The following SPAG6 variants were observed in gnomAD, a reference collection of about 807,000 sequenced individuals.
SPAG6 encodes sperm-associated antigen 6.
A neutral mutation model predicts 58.5 loss-of-function variants in SPAG6; 49 were observed. The observed-to-expected ratio is 0.84, with a 90% CI of 0.67 to 1.06. SPAG6 has a LOEUF of 1.06. SPAG6 is among the 50% of genes least tolerant of loss of function. SPAG6 has a pLI of 0.00. For missense variants in SPAG6, 560 were observed against 611.3 expected (o/e 0.92, Z 0.89); for synonymous variants, 233 against 225.6 (o/e 1.03, Z -0.29).
At chr10:22,374,413 G>A (rs994050176) in intron 4 of SPAG6, among the ~76,000 whole-genome samples, 4 of 151,992 alleles carry the variant, frequency 2.6e-5, no homozygotes, top group Non-Finnish European at 5.9e-5. Flanking sequence ...CTGACACAAT[G>A]TACAATACTG....
At chr10:22,411,877 C>A (rs1445000882) in intron 10 of SPAG6, among the ~76,000 whole-genome samples, 1 of 98,736 alleles carries the variant, frequency 1.0e-5, no homozygotes, top group East Asian at 3.3e-4. Flanking sequence ...GAGACAGAGT[C>A]TTGCTCTGTC....
At chr10:22,411,452 A>G (rs1834733463) in intron 10 of SPAG6, 1 of 247,910 alleles carries the variant, frequency 4.0e-6, no homozygotes. Context: ...TAGAGTTCAA[A>G]GTAACCAGTT....
Position 22,393,859 on chromosome 10 carries a change from A to G in SPAG6, c.1197+1939A>G, listed in dbSNP as rs114186084. Among the ~76,000 whole-genome samples the G allele has an allele frequency of 7.9e-3, 1,206 of 152,306 alleles. 14 individuals are homozygous for G. Among genetic ancestry groups the G allele is most frequent in the African/African-American group, 0.027 (1,117 of 41,568 alleles). The stretch of plus-strand genomic sequence containing the variant: ...CATCTCAGTAGGGAAAAGTGTATCC[A>G]AGAGTGTCAAGAACTGTCTAATGGT... On this transcript the variant is annotated intron_variant, in intron 8 of 10. Coordinates refer to ENST00000376624, the MANE Select transcript of SPAG6 (RefSeq NM_012443.4).
intron 4 of SPAG6, among the ~76,000 whole-genome samples, chr10:22,374,924 G>T (rs1833783015): frequency 6.6e-6 from 1 of 152,216 alleles, no homozygotes; most frequent in Non-Finnish European, 1.5e-5. Context: ...ACATGCAGTA[G>T]TAAGAGGAAG....
chr10:22,346,755 A>C (rs1836570062), intron 2 of SPAG6, among the ~76,000 whole-genome samples: 1 of 152,110 alleles, frequency 6.6e-6, no homozygotes, highest in South Asian at 2.1e-4. Flanking sequence ...CACCTATGTG[A>C]TACTTCGTTT....
intron 2 of SPAG6, among the ~76,000 whole-genome samples, chr10:22,355,008 A>AG (rs1326350711): frequency 6.6e-6 from 1 of 152,096 alleles, no homozygotes; most frequent in African/African-American, 2.4e-5. Context: ...AAAAAAAAAA[A>AG]GAGTCAGACA....
rs547887542 is a variant in SPAG6, at chr10:22,379,151, C to A, written c.473-7603C>A. On this transcript the variant is annotated intron_variant, in intron 4 of 10. Coordinates refer to ENST00000376624, the MANE Select transcript of SPAG6 (RefSeq NM_012443.4). ...ACTTTTACATAGTAATATGCAAATT[C>A]CCCCTTTATGCTTTTCTCACTTCCA... 2.6e-5 allele frequency among the ~76,000 whole-genome samples: 4 copies of A among 152,182 alleles called. No individual in the cohort carries two copies. In the East Asian group the frequency reaches 5.8e-4, roughly 22 times the overall value.
rs1298898980 is a variant in SPAG6, at chr10:22,404,033, T to C, written c.1314+2756T>C. Among the ~76,000 whole-genome samples the C allele has an allele frequency of 8.5e-5, 12 of 140,630 alleles. No homozygotes were observed. In the East Asian group the frequency reaches 2.6e-3, roughly 30 times the overall value. The allele number at this position is 140,630 out of a possible 152,430, so 92.3% of individuals were successfully genotyped here. A position where few individuals can be genotyped will look rare whatever the true frequency, so the allele number is the denominator to read the frequency against. On this transcript the variant is annotated intron_variant, in intron 9 of 10. Coordinates refer to ENST00000376624, the MANE Select transcript of SPAG6 (RefSeq NM_012443.4). ...TGAGTTCATTGTAGATTCTGGATAT[T>C]AGCCCTTTGTCAGATGAGTAGGTTG...
chr10:22,356,154 C>A (rs1489773011), intron 2 of SPAG6, among the ~76,000 whole-genome samples: 1 of 152,170 alleles, frequency 6.6e-6, no homozygotes, highest in Non-Finnish European at 1.5e-5. Flanking sequence ...TGCTAGGTCA[C>A]TTGAAGAATA....
intron 3 of SPAG6, among the ~76,000 whole-genome samples, chr10:22,367,705 T>A (rs1837235963): frequency 6.6e-6 from 1 of 152,152 alleles, no homozygotes; most frequent in African/African-American, 2.4e-5. Flanking sequence ...ATACATTTAA[T>A]TTTTTTAGCG....
chr10:22,355,074 G>C (rs1836830879), intron 2 of SPAG6, among the ~76,000 whole-genome samples: 1 of 151,856 alleles, frequency 6.6e-6, no homozygotes, highest in African/African-American at 2.4e-5. Context: ...ATGGAAGACA[G>C]TTATGATTAA....
intron 10 of SPAG6, chr10:22,412,298 A>G: frequency 7.2e-6 from 4 of 555,686 alleles, no homozygotes; most frequent in Admixed American, 3.3e-5. Context: ...ACATGCTGTA[A>G]CATATACTTA....
At chr10:22,415,743 A>G (rs1834853088) in intron 10 of SPAG6, among the ~76,000 whole-genome samples, 2 of 152,200 alleles carry the variant, frequency 1.3e-5, no homozygotes, top group African/African-American at 4.8e-5. Context: ...GCAAGTCTCT[A>G]ATATTAGGTT....
chr10:22,357,104 G>A (rs1322134671), intron 2 of SPAG6, among the ~76,000 whole-genome samples: 1 of 152,032 alleles, frequency 6.6e-6, no homozygotes, highest in Non-Finnish European at 1.5e-5. Flanking sequence ...CCTTCTGGGT[G>A]CAATACTATT....
intron 4 of SPAG6, among the ~76,000 whole-genome samples, chr10:22,384,846 A>C (rs940125436): frequency 6.6e-6 from 1 of 152,210 alleles, no homozygotes; most frequent in Non-Finnish European, 1.5e-5. Flanking sequence ...TGCACTCAAG[A>C]ATTACTCAAG....
chr10:22,363,070 G>C (rs559756443), intron 2 of SPAG6, among the ~76,000 whole-genome samples: 1 of 152,280 alleles, frequency 6.6e-6, no homozygotes, highest in African/African-American at 2.4e-5. Context: ...GTGGAAAACA[G>C]TTTGGCAATT....
chr10:22,378,827 T>C (rs773572579), intron 4 of SPAG6, among the ~76,000 whole-genome samples: 3 of 152,324 alleles, frequency 2.0e-5, no homozygotes, highest in South Asian at 2.1e-4. Context: ...AAGCTGCTTT[T>C]TACTTGAGTC....
At chr10:22,401,804 G>C (rs1336767985) in intron 9 of SPAG6, among the ~76,000 whole-genome samples, 4 of 152,202 alleles carry the variant, frequency 2.6e-5, no homozygotes, top group Non-Finnish European at 5.9e-5. Context: ...TAGTAAGGTA[G>C]AAAGGTCAAG....
intron 10 of SPAG6, among the ~76,000 whole-genome samples, chr10:22,413,534 C>CAA (rs879796354): frequency 1.5e-5 from 2 of 132,312 alleles, no homozygotes; most frequent in Non-Finnish European, 1.6e-5. Context: ...CTCCGTCTCA[C>CAA]AAAAAAAAAA....
Sources: gnomAD v4.1 joint callset for allele counts (sites outside exome capture counted in the v4.1 genomes callset) on GRCh38, gnomAD v4.1.1 for gene constraint, MANE v1.5 for transcripts, NCBI Gene and HGNC (gene_info 2026-07-23, HGNC 2026-07-21) for gene names.